The following EPHA6 variants were observed in gnomAD, a reference collection of about 807,000 sequenced individuals.
EPHA6 encodes the protein ephrin type-A receptor 6.
In EPHA6, 50 loss-of-function variants were observed where a neutral mutation model predicts 112.0. The ratio of observed to expected loss-of-function variants is 0.45; its 90% CI spans 0.36 to 0.56. The LOEUF is 0.56. Ranked by LOEUF, EPHA6 falls within the 20% of genes least tolerant of loss-of-function variation. The probability of loss-of-function intolerance (pLI) is 0.00; values close to 1 mark genes in which losing one functional copy is unlikely to be tolerated. For synonymous variants in EPHA6, 529 were observed against 490.7 expected (o/e 1.08, Z -1.03); for missense variants, 1,280 against 1,417.4 (o/e 0.90, Z 1.56).
intron 14 of EPHA6, among the ~76,000 whole-genome samples, chr3:97,672,614 A>C (rs2030960684): frequency 6.6e-6 from 1 of 152,062 alleles, no homozygotes; most frequent in South Asian, 2.1e-4. Context: ...ACTCTTCTTT[A>C]GTTCTAAAAT....
chr3:97,711,193 T>C (rs1290504560), intron 14 of EPHA6, among the ~76,000 whole-genome samples: 2 of 152,024 alleles, frequency 1.3e-5, no homozygotes, highest in East Asian at 1.9e-4. Context: ...CTTCACAAGC[T>C]CTCTCTCTGT....
At chr3:96,952,011 A>C (rs190217708) in intron 2 of EPHA6, among the ~76,000 whole-genome samples, 104 of 152,254 alleles carry the variant, frequency 6.8e-4, no homozygotes, top group Non-Finnish European at 3.1e-4. Flanking sequence ...ATAAGGACAG[A>C]CTAGGTGGGT....
chr3:97,610,632 G>A (rs919781000), intron 12 of EPHA6, among the ~76,000 whole-genome samples, 161 bp from the exon 13 acceptor site: 3 of 151,542 alleles, frequency 2.0e-5, no homozygotes, highest in Non-Finnish European at 4.4e-5. Flanking sequence ...ATATAGAGGT[G>A]CCTATGTATA....
At chr3:97,424,964 T>G (rs1447814486) in intron 6 of EPHA6, among the ~76,000 whole-genome samples, 1 of 152,098 alleles carries the variant, frequency 6.6e-6, no homozygotes, top group East Asian at 1.9e-4. Flanking sequence ...TAATTAAATT[T>G]TAAAGCTCCC....
intron 14 of EPHA6, among the ~76,000 whole-genome samples, chr3:97,718,087 G>C (rs1333712610): frequency 2.0e-5 from 3 of 152,176 alleles, no homozygotes; most frequent in Non-Finnish European, 4.4e-5. Flanking sequence ...CCTTGCCCTT[G>C]TATATGTTCT....
chr3:97,614,141 G>A (rs1167538459), intron 13 of EPHA6, among the ~76,000 whole-genome samples: 1 of 151,656 alleles, frequency 6.6e-6, no homozygotes, highest in Non-Finnish European at 1.5e-5. Context: ...TTAAGTTTTA[G>A]GGTACATGTG....
chr3:97,401,718 T>C lies in EPHA6; in HGVS notation c.1607-3432T>C, dbSNP rs2087003767. 2.0e-5 allele frequency among the ~76,000 whole-genome samples: 3 copies of C among 151,882 alleles called. No homozygotes were observed. The South Asian group carries it at 6.2e-4, about 31-fold the overall frequency. On this transcript the variant is annotated intron_variant, in intron 5 of 17. Coordinates refer to ENST00000389672, the MANE Select transcript of EPHA6 (RefSeq NM_001080448.3). ...TTTCTTCTACTAGTTTTGGGCTTGATTTGTTCTTGCTTTTCTAGTTCCTTT... is the reference window on the plus strand; with the variant it reads ...TTTCTTCTACTAGTTTTGGGCTTGACTTGTTCTTGCTTTTCTAGTTCCTTT...
intron 11 of EPHA6, chr3:97,569,820 A>T (rs1277910987): frequency 6.6e-6 from 1 of 152,212 alleles, no homozygotes; most frequent in East Asian, 1.9e-4. Flanking sequence ...ATAAAAATGC[A>T]TCTGTTTGTT....
chr3:97,463,978 A>G (rs2090972997), intron 7 of EPHA6, among the ~76,000 whole-genome samples: 1 of 152,154 alleles, frequency 6.6e-6, no homozygotes, highest in African/African-American at 2.4e-5. Context: ...AAAAAGATTG[A>G]GACAAGAAAC....
intron 3 of EPHA6, among the ~76,000 whole-genome samples, chr3:97,121,225 T>C (rs2048032075): frequency 6.6e-6 from 1 of 152,012 alleles, no homozygotes; most frequent in Admixed American, 6.6e-5. Flanking sequence ...TTACAAAAAC[T>C]GTGTACCCTT....
chr3:96,947,847 C>T (rs1439707939), intron 2 of EPHA6, among the ~76,000 whole-genome samples: 1 of 152,080 alleles, frequency 6.6e-6, no homozygotes, highest in East Asian at 1.9e-4. Context: ...AGATTCAATG[C>T]CATCCCCATC....
intron 6 of EPHA6, among the ~76,000 whole-genome samples, chr3:97,418,290 G>A (rs1331231607): frequency 1.3e-5 from 2 of 151,746 alleles, no homozygotes; most frequent in Non-Finnish European, 2.9e-5. Flanking sequence ...TTCATTCTAA[G>A]AAAAAGAAAA....
intron 14 of EPHA6, among the ~76,000 whole-genome samples, chr3:97,685,313 C>A (rs770594355): frequency 6.6e-6 from 1 of 152,144 alleles, no homozygotes; most frequent in Non-Finnish European, 1.5e-5. Context: ...GAGTTAATTC[C>A]TGTTGAATGC....
chr3:97,619,723 C>A (rs1263477490), intron 13 of EPHA6, among the ~76,000 whole-genome samples: 1 of 151,986 alleles, frequency 6.6e-6, no homozygotes, highest in Admixed American at 6.6e-5. Context: ...AGTGAAAGAT[C>A]TCTACAAGGA....
At chr3:96,981,740 T>G (rs1383795455) in intron 2 of EPHA6, among the ~76,000 whole-genome samples, 5 of 152,122 alleles carry the variant, frequency 3.3e-5, no homozygotes, top group African/African-American at 1.2e-4. Flanking sequence ...GAGCTTGTTG[T>G]TGGTCCATTC....
At chr3:97,382,178 A>G (rs2085789018) in intron 5 of EPHA6, among the ~76,000 whole-genome samples, 1 of 152,068 alleles carries the variant, frequency 6.6e-6, no homozygotes, top group Non-Finnish European at 1.5e-5. Flanking sequence ...AAATTACAGT[A>G]ACTGATTTTG....
intron 3 of EPHA6, among the ~76,000 whole-genome samples, chr3:97,164,442 G>A (rs1036132804): frequency 6.6e-6 from 1 of 151,998 alleles, no homozygotes; most frequent in Non-Finnish European, 1.5e-5. Context: ...TATGTAGACT[G>A]TTCAATTTCT....
At chr3:97,603,477 G>A (rs2093658098) in intron 12 of EPHA6, among the ~76,000 whole-genome samples, 1 of 151,758 alleles carries the variant, frequency 6.6e-6, no homozygotes, top group African/African-American at 2.4e-5. Context: ...TTTTCCAAGG[G>A]TATTTGGCTT....
At chr3:97,423,163 G>T (rs2088817737) in intron 6 of EPHA6, among the ~76,000 whole-genome samples, 1 of 152,116 alleles carries the variant, frequency 6.6e-6, no homozygotes, top group Admixed American at 6.5e-5. Flanking sequence ...GAGTAATCAG[G>T]CAAGAGGAAG....
Sources: gnomAD v4.1 joint callset for allele counts (sites outside exome capture counted in the v4.1 genomes callset) on GRCh38, gnomAD v4.1.1 for gene constraint, MANE v1.5 for transcripts, NCBI Gene and HGNC (gene_info 2026-07-23, HGNC 2026-07-21) for gene names.